The following SLCO6A1 variants were observed in gnomAD, a reference collection of about 807,000 sequenced individuals.
SLCO6A1 encodes the protein solute carrier organic anion transporter family member 6A1.
A neutral mutation model predicts 72.7 loss-of-function variants in SLCO6A1; 65 were observed. That is an observed-to-expected ratio of 0.89 (90% confidence interval 0.73 to 1.10). SLCO6A1 has a LOEUF of 1.10. Ranked by LOEUF, SLCO6A1 falls within the 50% of genes least tolerant of loss-of-function variation. The probability of loss-of-function intolerance (pLI) is 0.00; values close to 1 mark genes in which losing one functional copy is unlikely to be tolerated. For missense variants in SLCO6A1, 874 were observed against 872.6 expected (o/e 1.00, Z -0.02); for synonymous variants, 314 against 298.2 (o/e 1.05, Z -0.55).
intron 7 of SLCO6A1, among the ~76,000 whole-genome samples, chr5:102,434,427 G>A (rs1486008660): frequency 1.3e-5 from 2 of 152,108 alleles, no homozygotes; most frequent in Non-Finnish European, 1.5e-5. Context: ...GATATCACCT[G>A]GCCTCTTTTC....
intron 1 of SLCO6A1, among the ~76,000 whole-genome samples, chr5:102,491,875 G>T (rs1006083098): frequency 6.6e-6 from 1 of 152,272 alleles, no homozygotes; most frequent in Non-Finnish European, 1.5e-5. Flanking sequence ...GAGCGAGCGA[G>T]GGCTGTGAGG....
chr5:102,435,376 A>T lies in SLCO6A1; in HGVS notation c.1276+3241T>A, dbSNP rs924276624. ...TAGTATTTATATTCTATAATATTAT[A>T]CTATGACTGCTGTTAAACTCCAGAA... On this transcript the variant is annotated intron_variant, in intron 7 of 13. Transcript: ENST00000506729. Among the ~76,000 whole-genome samples the T allele has an allele frequency of 3.3e-5, 5 of 152,282 alleles. No individual in the cohort carries two copies. In the South Asian group the frequency reaches 1.0e-3, roughly 32 times the overall value.
intron 11 of SLCO6A1, 73 bp from the exon 12 acceptor site, chr5:102,388,898 T>C (rs1746578146): frequency 1.5e-6 from 2 of 1,327,744 alleles, no homozygotes; most frequent in Middle Eastern, 1.8e-4. Flanking sequence ...CACACACAGA[T>C]AATATATATG....
chr5:102,391,035 C>G lies in SLCO6A1; in HGVS notation c.1825G>C (p.Asp609His). 6.2e-7 allele frequency: 1 copy of G among 1,613,356 alleles called. No homozygotes were observed. The highest frequency in any genetic ancestry group is 1.1e-5 in the South Asian group (1 of 91,060). ...IVLAMTRVVP[D>H]KLRSLALGVS... ...CCCAAGGCCAGAGAACGCAGTTTGTCAGGTACAACCCTGAAAGTAAATAGC... is the reference window on the plus strand; with the variant it reads ...CCCAAGGCCAGAGAACGCAGTTTGTGAGGTACAACCCTGAAAGTAAATAGC... The change falls in exon 11 of 14, where the codon GAC becomes CAC. Residue 609 changes from aspartate to histidine, a missense_variant. Physicochemically the swap from Asp to His is moderately conservative, Grantham distance 81. Coordinates refer to ENST00000506729, the MANE Select transcript of SLCO6A1 (RefSeq NM_173488.5).
intron 7 of SLCO6A1, among the ~76,000 whole-genome samples, chr5:102,423,825 T>C (rs921941407): frequency 2.0e-5 from 3 of 152,194 alleles, no homozygotes; most frequent in Non-Finnish European, 4.4e-5. Context: ...TATACATTCT[T>C]CTCAGCACCA....
At chr5:102,408,166 G>A (rs370153169) in intron 9 of SLCO6A1, among the ~76,000 whole-genome samples, 1 of 151,908 alleles carries the variant, frequency 6.6e-6, no homozygotes, top group African/African-American at 2.4e-5. Flanking sequence ...ATTAGTCACA[G>A]TAAGAGATTA....
chr5:102,432,635 C>T (rs1176891161), intron 7 of SLCO6A1, among the ~76,000 whole-genome samples: 1 of 152,024 alleles, frequency 6.6e-6, no homozygotes, highest in Non-Finnish European at 1.5e-5. Flanking sequence ...TTGTAGGGTT[C>T]CTGCTGATAG....
At chr5:102,382,899 G>A (rs1213087670) in intron 12 of SLCO6A1, among the ~76,000 whole-genome samples, 1 of 149,516 alleles carries the variant, frequency 6.7e-6, no homozygotes, top group Admixed American at 6.7e-5. Flanking sequence ...ATATATGTGT[G>A]TTCGTATATA....
At chr5:102,423,229 A>G (rs75583366) in intron 7 of SLCO6A1, among the ~76,000 whole-genome samples, 274 of 152,304 alleles carry the variant, frequency 1.8e-3, no homozygotes, top group African/African-American at 5.7e-3. Flanking sequence ...TGTGCAAAAT[A>G]TCCAGCTATC....
At chr5:102,492,972 C>T (rs1450421334) in intron 1 of SLCO6A1, among the ~76,000 whole-genome samples, 1 of 152,000 alleles carries the variant, frequency 6.6e-6, no homozygotes, top group African/African-American at 2.4e-5. Flanking sequence ...AGGGCATAGC[C>T]AAACAAAAGG....
intron 12 of SLCO6A1, among the ~76,000 whole-genome samples, chr5:102,377,014 A>G (rs1219310142): frequency 6.6e-6 from 1 of 152,026 alleles, no homozygotes; most frequent in Non-Finnish European, 1.5e-5. Context: ...AAGTAAATAA[A>G]TTAGCCGGGC....
At chr5:102,406,330 T>C (rs1437565281) in intron 9 of SLCO6A1, among the ~76,000 whole-genome samples, 1 of 152,032 alleles carries the variant, frequency 6.6e-6, no homozygotes, top group Non-Finnish European at 1.5e-5. Flanking sequence ...TTTAATATCA[T>C]GCAAAATACA....
rs147133345 is a variant in SLCO6A1 at position 102,433,618 on chromosome 5, A to G, written c.1276+4999T>C. On this transcript the variant is annotated intron_variant, in intron 7 of 13. Coordinates refer to ENST00000506729, the MANE Select transcript of SLCO6A1 (RefSeq NM_173488.5). ...GCTTTGTTCTCTGGCTCCTCAAGGT[A>G]GAAACATGCTGTGCTGGAGGGGTCA... is the stretch of plus-strand genomic sequence containing the variant. Among the ~76,000 whole-genome samples the G allele has an allele frequency of 4.1e-3, 629 of 152,294 alleles. 9 individuals are homozygous for G. Among genetic ancestry groups the G allele is most frequent in the African/African-American group, 0.015 (605 of 41,558 alleles).
At chr5:102,469,911 G>A (rs904573421) in intron 4 of SLCO6A1, among the ~76,000 whole-genome samples, 34 of 152,134 alleles carry the variant, frequency 2.2e-4, no homozygotes, top group African/African-American at 7.7e-4. Context: ...CATCTACTGC[G>A]ATAATCATGT....
chr5:102,472,665 C>A (rs2062243315), intron 4 of SLCO6A1, among the ~76,000 whole-genome samples: 2 of 151,672 alleles, frequency 1.3e-5, no homozygotes, highest in Admixed American at 6.6e-5. Flanking sequence ...CTGGAAAAAC[C>A]ATAGAGAAAA....
intron 4 of SLCO6A1, among the ~76,000 whole-genome samples, chr5:102,464,116 C>T (rs1219421060): frequency 6.6e-6 from 1 of 151,416 alleles, no homozygotes; most frequent in Non-Finnish European, 1.5e-5. Flanking sequence ...GGTGGGTGCA[C>T]CAAAATCTCA....
intron 12 of SLCO6A1, among the ~76,000 whole-genome samples, chr5:102,383,114 T>TATATA: frequency 1.6e-5 from 1 of 61,846 alleles, no homozygotes; most frequent in African/African-American, 5.8e-5. Context: ...ATATATAGTG[T>TATATA]TTTATATACA....
chr5:102,477,861 T>A lies in SLCO6A1; in HGVS notation c.617A>T (p.Asp206Val), dbSNP rs770944169. The change falls in exon 3 of 14, where the codon GAT (aspartate) becomes GTT (valine). Residue 206 changes from aspartate to valine, a missense_variant and splice_region_variant. Asp to Val is a radical substitution (Grantham distance 152). Transcript: ENST00000506729. ...ENKQSKVGIE[D>V]ICEEIKVVSG... Reference sequence around the variant, plus strand: ...GACAACCTTTATTTCTTCGCAAATATCTTTTGAAAATACAATGATTATATT... The same window carrying A: ...GACAACCTTTATTTCTTCGCAAATAACTTTTGAAAATACAATGATTATATT... 29 of 1,592,984 alleles carry A rather than the reference T, an allele frequency of 1.8e-5. No individual in the cohort carries two copies. Among genetic ancestry groups the A allele is most frequent in the Non-Finnish European group, 2.5e-5 (29 of 1,168,042 alleles).
chr5:102,469,913 T>C (rs749291591), intron 4 of SLCO6A1, among the ~76,000 whole-genome samples: 2 of 152,214 alleles, frequency 1.3e-5, no homozygotes, highest in Non-Finnish European at 2.9e-5. Flanking sequence ...TCTACTGCGA[T>C]AATCATGTGG....
Sources: gnomAD v4.1 joint callset for allele counts (sites outside exome capture counted in the v4.1 genomes callset) on GRCh38, gnomAD v4.1.1 for gene constraint, MANE v1.5 for transcripts, NCBI Gene and HGNC (gene_info 2026-07-23, HGNC 2026-07-21) for gene names.